The following ZNF618 variants were observed in gnomAD, a reference collection of about 807,000 sequenced individuals.
ZNF618 encodes neural precursor cell expressed, developmentally down-regulated 10.
In ZNF618, 34 loss-of-function variants were observed where a neutral mutation model predicts 103.0. The ratio of observed to expected loss-of-function variants is 0.33; its 90% confidence interval spans 0.25 to 0.44. ZNF618 has a LOEUF of 0.44. Among genes scored for constraint, ZNF618 ranks in the 20% least tolerant of loss-of-function variants. The probability of loss-of-function intolerance (pLI) is 1.00; values close to 1 mark genes in which losing one functional copy is unlikely to be tolerated. For synonymous variants in ZNF618, 551 were observed against 542.2 expected, an observed-to-expected ratio of 1.02 and a Z score of -0.23; for missense variants, 1,059 against 1,295.4, an observed-to-expected ratio of 0.82 and a Z score of 2.80.
chr9:113,899,430 A>G (rs1830322377), intron 1 of ZNF618, among the ~76,000 whole-genome samples: 1 of 152,194 alleles, frequency 6.6e-6, no homozygotes, highest in African/African-American at 2.4e-5. Flanking sequence ...GCTGTATAGC[A>G]GGAGGTAAGC....
chr9:114,012,555 G>T (rs1339464078), intron 9 of ZNF618, among the ~76,000 whole-genome samples: 1 of 152,146 alleles, frequency 6.6e-6, no homozygotes, highest in Non-Finnish European at 1.5e-5. Context: ...CATGACCCCT[G>T]TGAAAAGGGA....
intron 1 of ZNF618, among the ~76,000 whole-genome samples, chr9:113,881,782 A>C (rs1281178780): frequency 6.6e-6 from 1 of 152,206 alleles, no homozygotes. Context: ...TTCAGCCTGT[A>C]GTGATGATGA....
chr9:113,910,028 C>T (rs1564158636), intron 1 of ZNF618, among the ~76,000 whole-genome samples: 1 of 152,124 alleles, frequency 6.6e-6, no homozygotes, highest in Non-Finnish European at 1.5e-5. Context: ...CAGGATCTGC[C>T]CGCCTTGGCC....
At chr9:113,930,793 T>C (rs1833511879) in intron 1 of ZNF618, among the ~76,000 whole-genome samples, 1 of 152,230 alleles carries the variant, frequency 6.6e-6, no homozygotes, top group Admixed American at 6.5e-5. Context: ...TTGGTGCCTC[T>C]GGTGTTGGTA....
intron 13 of ZNF618, among the ~76,000 whole-genome samples, chr9:114,042,888 C>T (rs1845336228): frequency 6.6e-6 from 1 of 152,236 alleles, no homozygotes; most frequent in Admixed American, 6.5e-5. Flanking sequence ...CCTTTGCAGT[C>T]ATTCCCTTTC....
At chr9:113,904,037 A>T (rs1305264748) in intron 1 of ZNF618, among the ~76,000 whole-genome samples, 2 of 148,844 alleles carry the variant, frequency 1.3e-5, no homozygotes, top group Non-Finnish European at 3.0e-5. Context: ...AAGGATTCCA[A>T]TTGCATGTAT....
intron 13 of ZNF618, among the ~76,000 whole-genome samples, chr9:114,043,002 G>A (rs1211835360): frequency 6.6e-6 from 1 of 152,122 alleles, no homozygotes; most frequent in South Asian, 2.1e-4. Context: ...AGCCTCTTGT[G>A]TCTAACTTCT....
At chr9:113,957,371 T>C (rs1190207656) in intron 1 of ZNF618, among the ~76,000 whole-genome samples, 3 of 152,156 alleles carry the variant, frequency 2.0e-5, no homozygotes, top group Admixed American at 2.0e-4. Context: ...ATCGAGCTAC[T>C]AAGTAGCCCA....
intron 9 of ZNF618, among the ~76,000 whole-genome samples, chr9:114,015,560 T>C (rs1046270322): frequency 6.6e-6 from 1 of 152,208 alleles, no homozygotes; most frequent in Admixed American, 6.5e-5. Context: ...ATCAAAGGCC[T>C]TAAAAATACA....
At chr9:114,030,528 C>T (rs1305344542) in intron 11 of ZNF618, among the ~76,000 whole-genome samples, 1 of 152,172 alleles carries the variant, frequency 6.6e-6, no homozygotes, top group African/African-American at 2.4e-5. Context: ...GCTTCAGTGT[C>T]TCTGAGTAGG....
chr9:114,024,900 G>C (rs529367795), intron 10 of ZNF618, among the ~76,000 whole-genome samples: 2 of 152,180 alleles, frequency 1.3e-5, no homozygotes, highest in South Asian at 4.2e-4. Flanking sequence ...GCAAATTCTA[G>C]CCACCTCAAA....
In ZNF618 at chr9:114,028,641, C is replaced by T. The variant is rs971777953; in HGVS notation, c.845-92C>T. On this transcript the variant is annotated intron_variant, in intron 10 of 14. Coordinates refer to ENST00000374126, the MANE Select transcript of ZNF618 (RefSeq NM_001318042.2). ...CAAGAAGAGGTTGGACAGAGACAGT[C>T]CCAACCCTGGAATGTGGGGCTGGTG... is the stretch of plus-strand genomic sequence containing the variant. The T allele has an allele frequency of 6.7e-5, 98 of 1,459,976 alleles. 2 individuals are homozygous for T. The South Asian group carries it at 1.3e-3, about 19-fold the overall frequency. The allele number at this position is 1,459,976 out of a possible 1,614,324, so 90.4% of individuals were successfully genotyped here.
In ZNF618 at chr9:114,049,958, A is replaced by C; in HGVS notation, c.2656A>C (p.Thr886Pro). ...DYLQEPLFQA[T>P]PDLFQYWSCV... ...CCTGCAGGAGCCCCTCTTCCAGGCT[A>C]CCCCTGATCTCTTCCAGTACTGGTC... The change falls in exon 15 of 15, where the codon ACC becomes CCC. Residue 886 changes from threonine (T) to proline (P), a missense_variant. Around this residue, in one of 6 missense-constraint regions of ZNF618, gnomAD observed 156 missense variants for 197.1 expected, o/e 0.79. Coordinates refer to ENST00000374126, the MANE Select transcript of ZNF618 (RefSeq NM_001318042.2). The C allele has an allele frequency of 6.2e-7, 1 of 1,613,902 alleles. No homozygotes were observed.
chr9:114,049,872 C>T lies in ZNF618; in HGVS notation c.2570C>T (p.Ala857Val), dbSNP rs1845993691. 3.1e-6 allele frequency: 5 copies of T among 1,613,898 alleles called. No individual in the cohort carries two copies. In the East Asian group the frequency reaches 1.1e-4, roughly 36 times the overall value. The change falls in exon 15 of 15, where the codon GCC (alanine) becomes GTC (valine). Residue 857 changes from alanine to valine, a missense_variant. By Grantham distance (64) the Ala-to-Val change is moderately conservative. Coordinates refer to ENST00000374126, the MANE Select transcript of ZNF618 (RefSeq NM_001318042.2). ...EPAAKKPRSA[A>V]VENPAAQEDD... is the part of the protein sequence containing the mutation. ...GCTGCCAAGAAGCCCCGCTCTGCTG[C>T]CGTCGAGAACCCCGCAGCTCAGGAA...
chr9:114,010,888 G>A lies in ZNF618; in HGVS notation c.754+2334G>A, dbSNP rs181150877. On this transcript the variant is annotated intron_variant, in intron 9 of 14. Coordinates refer to ENST00000374126, the MANE Select transcript of ZNF618 (RefSeq NM_001318042.2). Reference sequence around the variant, plus strand: ...CTTAGGAAGATGGGCTTTGAAATCAGACAGGCTTAGGTTTGAATGCTGTTG... The same window carrying A: ...CTTAGGAAGATGGGCTTTGAAATCAAACAGGCTTAGGTTTGAATGCTGTTG... 1.4e-4 allele frequency among the ~76,000 whole-genome samples: 21 copies of A among 152,258 alleles called. 1 individual carries two copies. In the East Asian group the frequency reaches 4.1e-3, roughly 29 times the overall value.
In ZNF618 at chr9:114,036,373, T is replaced by C. The variant is rs60103250; in HGVS notation, c.1242T>C (p.His414=). The C allele has an allele frequency of 6.2e-3, 9,814 of 1,576,442 alleles. 388 individuals are homozygous for C. The African/African-American group carries it at 0.084, about 13-fold the overall frequency. ...YNNLLEHMQS[H]AADNENNIAS... ...ACCTGTTGGAGCACATGCAGTCCCATGCAGGTAAGTAGGATACGGCTTCTC... is the reference window on the plus strand; with the variant it reads ...ACCTGTTGGAGCACATGCAGTCCCACGCAGGTAAGTAGGATACGGCTTCTC... Residue 414 remains histidine, a synonymous_variant, in exon 13 of 15, where the codon CAT becomes CAC. Coordinates refer to ENST00000374126, the MANE Select transcript of ZNF618 (RefSeq NM_001318042.2).
Position 113,876,326 on chromosome 9 carries a change from A to G in ZNF618, c.-55A>G. Reference sequence around the variant, plus strand: ...GCGGCGGCATTGTGCGCGCACCAGCAGCCCGGCCCGGGAGGAGCAGGACGC... The same window carrying G: ...GCGGCGGCATTGTGCGCGCACCAGCGGCCCGGCCCGGGAGGAGCAGGACGC... On this transcript the variant is annotated 5_prime_UTR_variant, in exon 1 of 15. Coordinates refer to ENST00000374126, the MANE Select transcript of ZNF618 (RefSeq NM_001318042.2). 1 of 1,135,096 alleles carries G rather than the reference A, an allele frequency of 8.8e-7. No homozygotes were observed. The highest frequency in any genetic ancestry group is 1.1e-6 in the Non-Finnish European group (1 of 930,974). 70.3% of individuals were successfully genotyped at this position (1,135,096 alleles called of 1,614,324 possible).
intron 2 of ZNF618, among the ~76,000 whole-genome samples, chr9:113,971,642 C>T (rs986683382): frequency 2.6e-5 from 4 of 152,216 alleles, no homozygotes; most frequent in African/African-American, 9.7e-5. Context: ...TGAATCTCTC[C>T]TACACGAGTA....
At chr9:114,042,626 T>G (rs1475240977) in intron 13 of ZNF618, among the ~76,000 whole-genome samples, 1 of 152,158 alleles carries the variant, frequency 6.6e-6, no homozygotes, top group Non-Finnish European at 1.5e-5. Context: ...GCCAGGAGTT[T>G]GAGACCAGCC....
Sources: gnomAD v4.1 joint callset for allele counts (sites outside exome capture counted in the v4.1 genomes callset) on GRCh38, gnomAD v4.1.1 for gene constraint, gnomAD v4.1.1 regional missense constraint, MANE v1.5 for transcripts, NCBI Gene and HGNC (gene_info 2026-07-23, HGNC 2026-07-21) for gene names.